MIPOL1: variants seen among roughly 807,000 people sequenced by gnomAD.
MIPOL1 encodes the protein mirror-image polydactyly gene 1 protein.
A neutral mutation model predicts 60.9 loss-of-function variants in MIPOL1; 57 were observed. The ratio of observed to expected loss-of-function variants is 0.94; its 90% confidence interval spans 0.76 to 1.17. MIPOL1 has a LOEUF of 1.17. Among genes scored for constraint, MIPOL1 ranks in the 50% most tolerant of loss-of-function variants. The pLI is 0.00. For missense variants in MIPOL1, 551 were observed against 511.6 expected (o/e 1.08, Z -0.74); for synonymous variants, 179 against 168.8 (o/e 1.06, Z -0.47).
At chr14:37,517,469 C>G (rs2095378891) in intron 12 of MIPOL1, among the ~76,000 whole-genome samples, 1 of 152,068 alleles carries the variant, frequency 6.6e-6, no homozygotes, top group Admixed American at 6.6e-5. Flanking sequence ...AATGGTAAAA[C>G]CCCTATGGAG....
Position 37,225,259 on chromosome 14 carries a change from A to G in MIPOL1, c.-198-21844A>G, listed in dbSNP as rs567285147. On this transcript the variant is annotated intron_variant, in intron 1 of 12. Coordinates refer to ENST00000684589, the MANE Select transcript of MIPOL1 (RefSeq NM_001388067.1). ...GGTGGCCCTTTTCTCACAGCTCCAC[A>G]AGGTGGTGCCCCAGTAGGAACTTTG... Among the ~76,000 whole-genome samples the G allele has an allele frequency of 9.9e-5, 15 of 152,174 alleles. No homozygotes were observed. The East Asian group carries it at 2.9e-3, about 30-fold the overall frequency.
intron 1 of MIPOL1, among the ~76,000 whole-genome samples, chr14:37,230,287 T>C (rs1263021590): frequency 6.6e-6 from 1 of 152,210 alleles, no homozygotes; most frequent in Non-Finnish European, 1.5e-5. Context: ...ACCGAATTTT[T>C]AAGAAATAAA....
chr14:37,203,376 G>A (rs564644563), intron 1 of MIPOL1, among the ~76,000 whole-genome samples: 1 of 152,266 alleles, frequency 6.6e-6, no homozygotes, highest in Non-Finnish European at 1.5e-5. Context: ...CCAAGAGACC[G>A]TAGGGGTCAT....
intron 1 of MIPOL1, among the ~76,000 whole-genome samples, chr14:37,242,006 AAG>A (rs1972443847): frequency 1.3e-5 from 2 of 152,016 alleles, no homozygotes; most frequent in African/African-American, 4.8e-5. Flanking sequence ...ATAATTATAA[AAG>A]ATTAATTAGG....
chr14:37,367,714 G>C (rs2153493521), intron 9 of MIPOL1, among the ~76,000 whole-genome samples: 1 of 151,934 alleles, frequency 6.6e-6, no homozygotes, highest in Admixed American at 6.6e-5. Context: ...AATCCTTATA[G>C]GTCCTACTTA....
chr14:37,292,162 TG>T (rs2085134263), intron 7 of MIPOL1, among the ~76,000 whole-genome samples: 1 of 152,002 alleles, frequency 6.6e-6, no homozygotes, highest in Non-Finnish European at 1.5e-5. Flanking sequence ...CTGGACCTCA[TG>T]ATCCGCCCGC....
chr14:37,394,036 C>A (rs1268831564), intron 10 of MIPOL1, among the ~76,000 whole-genome samples: 1 of 97,122 alleles, frequency 1.0e-5, no homozygotes, highest in Non-Finnish European at 2.1e-5. Flanking sequence ...TAATTCATTC[C>A]TTTTTATGGC....
chr14:37,270,998 C>A (rs975190338), intron 6 of MIPOL1, among the ~76,000 whole-genome samples: 1 of 152,068 alleles, frequency 6.6e-6, no homozygotes, highest in African/African-American at 2.4e-5. Flanking sequence ...AAGTTTTCAT[C>A]TGATGACGTA....
chr14:37,458,017 A>G (rs1253000469), intron 11 of MIPOL1, among the ~76,000 whole-genome samples: 1 of 152,180 alleles, frequency 6.6e-6, no homozygotes, highest in African/African-American at 2.4e-5. Flanking sequence ...GAAAACAAAA[A>G]TGAGCAAGAG....
At chr14:37,325,071 C>G (rs1177053695) in intron 9 of MIPOL1, among the ~76,000 whole-genome samples, 1 of 152,064 alleles carries the variant, frequency 6.6e-6, no homozygotes, top group East Asian at 1.9e-4. Context: ...CTACAAAACA[C>G]CTGATAGGCT....
rs1594881420 is a variant in MIPOL1, at chr14:37,526,456, A to G, written c.1263-20449A>G. Among the ~76,000 whole-genome samples the G allele has an allele frequency of 3.8e-5, 5 of 132,602 alleles. No homozygotes were observed. The East Asian group carries it at 6.4e-4, about 17-fold the overall frequency. The allele number at this position is 132,602 out of a possible 152,430, so 87.0% of individuals were successfully genotyped here. ...GCAATCTCGGCTCACTGCAAGCTCCACCTCCCCGGTTTACGCCATTCTCCT... is the reference window on the plus strand; with the variant it reads ...GCAATCTCGGCTCACTGCAAGCTCCGCCTCCCCGGTTTACGCCATTCTCCT... On this transcript the variant is annotated intron_variant, in intron 12 of 12. Coordinates refer to ENST00000684589, the MANE Select transcript of MIPOL1 (RefSeq NM_001388067.1).
intron 7 of MIPOL1, among the ~76,000 whole-genome samples, chr14:37,307,729 A>G (rs1188292732): frequency 6.6e-6 from 1 of 152,094 alleles, no homozygotes; most frequent in Admixed American, 6.6e-5. Flanking sequence ...AAAAATGGAA[A>G]GTCCAGGAAT....
At chr14:37,251,100 A>G (rs1275729631) in intron 3 of MIPOL1, among the ~76,000 whole-genome samples, 1 of 152,062 alleles carries the variant, frequency 6.6e-6, no homozygotes, top group African/African-American at 2.4e-5. Flanking sequence ...TCACTCTGTC[A>G]TCCTTGCTGG....
At chr14:37,409,376 A>C (rs1426288991) in intron 10 of MIPOL1, among the ~76,000 whole-genome samples, 1 of 152,160 alleles carries the variant, frequency 6.6e-6, no homozygotes, top group Admixed American at 6.5e-5. Flanking sequence ...GCTTTCTAGG[A>C]AACATTAGGC....
chr14:37,403,220 A>C (rs1482996616), intron 10 of MIPOL1, among the ~76,000 whole-genome samples: 1 of 152,124 alleles, frequency 6.6e-6, no homozygotes, highest in Non-Finnish European at 1.5e-5. Context: ...CTGTTTACAC[A>C]TTTTGTTAGC....
At chr14:37,441,603 T>G (rs1230184374) in intron 11 of MIPOL1, among the ~76,000 whole-genome samples, 1 of 152,168 alleles carries the variant, frequency 6.6e-6, no homozygotes, top group Non-Finnish European at 1.5e-5. Flanking sequence ...TGTCTATTTT[T>G]GTACCTGTGG....
chr14:37,283,318 C>T (rs879340084), intron 6 of MIPOL1, among the ~76,000 whole-genome samples: 2 of 152,052 alleles, frequency 1.3e-5, no homozygotes, highest in African/African-American at 2.4e-5. Context: ...CCACCTGCCT[C>T]GGCCTCCCAA....
At chr14:37,365,697 G>A (rs2092448589) in intron 9 of MIPOL1, among the ~76,000 whole-genome samples, 2 of 151,828 alleles carry the variant, frequency 1.3e-5, no homozygotes, top group South Asian at 4.2e-4. Context: ...GTCTTGTTTT[G>A]GTATTATGAT....
intron 9 of MIPOL1, among the ~76,000 whole-genome samples, chr14:37,364,014 T>TA (rs1477699124): frequency 1.3e-5 from 2 of 152,272 alleles, no homozygotes; most frequent in African/African-American, 4.8e-5. Flanking sequence ...GGCCGGAATG[T>TA]CCCATTTTTC....
Sources: allele counts gnomAD v4.1 joint callset (sites outside exome capture counted in the v4.1 genomes callset), GRCh38; gene constraint gnomAD v4.1.1; transcripts MANE v1.5; gene names NCBI Gene and HGNC (gene_info 2026-07-23, HGNC 2026-07-21).